AMPD1: variants seen among roughly 807,000 people sequenced by gnomAD.
AMPD1 encodes AMP deaminase 1.
AMPD1 carries 74 observed loss-of-function variants against 82.9 expected under a neutral mutation model. The observed-to-expected ratio is 0.89, with a 90% confidence interval of 0.74 to 1.08. The LOEUF (loss-of-function observed/expected upper bound fraction) is 1.08, where lower values mean the gene tolerates loss of function less well. AMPD1 is among the 50% of genes least tolerant of loss of function. The probability of loss-of-function intolerance (pLI) is 0.00; values close to 1 mark genes in which losing one functional copy is unlikely to be tolerated. For missense variants in AMPD1, 881 were observed against 924.5 expected, an observed-to-expected ratio of 0.95 and a Z score of 0.61; for synonymous variants, 333 against 320.5, an observed-to-expected ratio of 1.04 and a Z score of -0.42.
chr1:114,694,546 T>A (rs535208599), intron 1 of AMPD1, among the ~76,000 whole-genome samples: 45 of 152,248 alleles, frequency 3.0e-4, no homozygotes, highest in African/African-American at 1.1e-3. Flanking sequence ...TGCAGATTTT[T>A]AAAATTATTA....
chr1:114,693,375 T>G, intron 2 of AMPD1, 61 bp downstream of exon 2: 2 of 1,499,576 alleles, frequency 1.3e-6, no homozygotes, highest in Admixed American at 1.7e-5. Context: ...AATTAAGGAA[T>G]AGTATCATTT....
intron 5 of AMPD1, among the ~76,000 whole-genome samples, chr1:114,682,066 A>G (rs1208607540): frequency 3.3e-5 from 5 of 152,184 alleles, no homozygotes; most frequent in Non-Finnish European, 7.3e-5. Context: ...GAAGCCATGA[A>G]CACATTTCGC....
In AMPD1 at chr1:114,688,632, C is replaced by T. The variant is rs145786786; in HGVS notation, c.144G>A (p.Pro48=). The change falls in exon 3 of 16, where the codon CCG becomes CCA. Residue 48 remains proline, a synonymous_variant. Transcript: ENST00000520113. ...ISPFDVDEIC[P]ISHHEMQAHI... ...GTGCTTGCATCTCATGATGAGAAAT[C>T]GGACAGATCTCATCCACATCAAAGG... 2.3e-5 allele frequency: 37 copies of T among 1,614,080 alleles called. No homozygotes were observed. Among genetic ancestry groups the T allele is most frequent in the African/African-American group, 1.3e-4 (10 of 74,928 alleles).
intron 5 of AMPD1, among the ~76,000 whole-genome samples, chr1:114,682,707 T>C (rs1251065917): frequency 6.6e-6 from 1 of 151,762 alleles, no homozygotes; most frequent in African/African-American, 2.4e-5. Flanking sequence ...GCCTCCGGAG[T>C]AGCTGGGACT....
chr1:114,674,306 A>G (rs1049837600), intron 13 of AMPD1, among the ~76,000 whole-genome samples: 5 of 152,172 alleles, frequency 3.3e-5, no homozygotes, highest in African/African-American at 1.2e-4. Flanking sequence ...GTCAAACCAG[A>G]TTGTTTATTT....
At chr1:114,695,211 T>G (rs1239895531) in intron 1 of AMPD1, among the ~76,000 whole-genome samples, 3 of 152,146 alleles carry the variant, frequency 2.0e-5, no homozygotes, top group Non-Finnish European at 4.4e-5. Context: ...AGTTTTCTAC[T>G]GGGATCATCA....
rs772981078 is a variant in AMPD1, at chr1:114,678,351, ATCAACAG to A, written c.1067_1073del (p.Thr356IlefsTer25). On this transcript the variant is annotated frameshift_variant, in exon 8 of 16. Transcript: ENST00000520113. LOFTEE classifies it high-confidence loss of function. ...AACCTACAGCATGAACATCCAGAGAATCAACAGTCAGGTCATAAGGATGCATTTTTAA... is the reference window on the plus strand; with the variant it reads ...AACCTACAGCATGAACATCCAGAGAATCAGGTCATAAGGATGCATTTTTAA... 5 of 1,614,184 alleles carry A rather than the reference ATCAACAG, an allele frequency of 3.1e-6. No individual in the cohort carries two copies. In the Admixed American group the frequency reaches 5.0e-5, roughly 16 times the overall value.
At chr1:114,686,640 G>A (rs575098964) in intron 4 of AMPD1, 105 bp downstream of exon 4, 2 of 1,197,222 alleles carry the variant, frequency 1.7e-6, no homozygotes, top group African/African-American at 1.5e-5. Flanking sequence ...AAGGACAGGT[G>A]AGCTAATACC....
Position 114,686,746 on chromosome 1 carries a change from CCA to C in AMPD1, c.378_379del (p.Val128TyrfsTer3). 1 of 1,613,992 alleles carries C rather than the reference CCA, an allele frequency of 6.2e-7. No individual in the cohort carries two copies. The highest frequency in any genetic ancestry group is 8.5e-7 in the Non-Finnish European group (1 of 1,179,898). ...TCTGAGTGGCAAGGACCAACTCACC[CCA>C]GAGGCATAGTCACCAGTAATCTGCA... is the stretch of plus-strand genomic sequence containing the variant. On this transcript the variant is annotated frameshift_variant and splice_region_variant, in exon 4 of 16. Transcript: ENST00000520113. LOFTEE classifies it high-confidence loss of function.
chr1:114,691,512 A>T (rs1658515854), intron 2 of AMPD1, among the ~76,000 whole-genome samples: 1 of 152,134 alleles, frequency 6.6e-6, no homozygotes. Context: ...AGGCTGCAGT[A>T]AGCCACGTTT....
intron 2 of AMPD1, among the ~76,000 whole-genome samples, chr1:114,689,488 T>A (rs1201636860): frequency 3.3e-5 from 5 of 152,102 alleles, no homozygotes; most frequent in Admixed American, 6.6e-5. Flanking sequence ...CTTCTTAGTT[T>A]GGCAATGAAT....
Position 114,686,957 on chromosome 1 carries a change from C to T in AMPD1, c.216-47G>A, listed in dbSNP as rs755699921. On this transcript the variant is annotated intron_variant, in intron 3 of 15. Coordinates refer to ENST00000520113, the MANE Select transcript of AMPD1 (RefSeq NM_000036.3). ...AAGAGTTAATTTTGTCTTCATCAGG[C>T]GTTTCATTGTGATAGATAGATGTTT... 9.3e-5 allele frequency: 148 copies of T among 1,585,444 alleles called. 1 individual carries two copies. The highest frequency in any genetic ancestry group is 1.1e-4 in the Non-Finnish European group (132 of 1,154,454).
chr1:114,673,621 A>G lies in AMPD1; in HGVS notation c.2085+18T>C, dbSNP rs1657896244. 1.3e-6 allele frequency: 2 copies of G among 1,590,954 alleles called. No individual in the cohort carries two copies. The highest frequency in any genetic ancestry group is 1.7e-6 in the Non-Finnish European group (2 of 1,159,010). On this transcript the variant is annotated intron_variant, in intron 15 of 15. Transcript: ENST00000520113. Reference sequence around the variant, plus strand: ...AGACCCTATACTCAGAAGGGAAGCCATTTGAAGACAGGTCTACCTCATGAG... The same window carrying G: ...AGACCCTATACTCAGAAGGGAAGCCGTTTGAAGACAGGTCTACCTCATGAG...
At chr1:114,676,076 C>T (rs1010991960) in intron 10 of AMPD1, 73 bp from the exon 11 acceptor site, 8 of 1,531,756 alleles carry the variant, frequency 5.2e-6, no homozygotes, top group Non-Finnish European at 6.3e-6. Flanking sequence ...ATGAGGGAAC[C>T]AGAGAATCGA....
intron 3 of AMPD1, among the ~76,000 whole-genome samples, chr1:114,687,836 G>T (rs148481029): frequency 1.1e-4 from 16 of 152,128 alleles, no homozygotes; most frequent in Admixed American, 1.0e-3. Context: ...TGGAGGGCAG[G>T]ATTCATGTCA....
At chr1:114,682,302 T>C in intron 5 of AMPD1, among the ~76,000 whole-genome samples, 1 of 152,228 alleles carries the variant, frequency 6.6e-6, no homozygotes. Flanking sequence ...AGCGTGTTAC[T>C]ACAATATTTG....
chr1:114,695,008 T>G (rs1057142171), intron 1 of AMPD1, among the ~76,000 whole-genome samples: 6 of 152,308 alleles, frequency 3.9e-5, no homozygotes, highest in African/African-American at 1.4e-4. Context: ...ATTTTAAAAA[T>G]TACTCTGCGT....
rs868727904 is a variant in AMPD1 at position 114,688,730 on chromosome 1, C to T, written c.46G>A (p.Ala16Thr). 2.5e-6 allele frequency: 4 copies of T among 1,614,074 alleles called. No homozygotes were observed. The South Asian group carries it at 3.3e-5, about 13-fold the overall frequency. The stretch of plus-strand genomic sequence containing the variant: ...ACTTTTTCAGCAAAGTTGCGCATTG[C>T]ATCATCAATTTCTAAAAGAGGTTTT... ...LPAEEKQIDD[A>T]MRNFAEKVFA... The change falls in exon 3 of 16, where the codon GCA (alanine) becomes ACA (threonine). Residue 16 changes from alanine (A) to threonine (T), a missense_variant. By Grantham distance (58) the Ala-to-Thr change is moderately conservative (BLOSUM62 0). Around this residue, in one of 2 missense-constraint regions of AMPD1, gnomAD observed 783 missense variants for 786.4 expected, o/e 1.00. Coordinates refer to ENST00000520113, the MANE Select transcript of AMPD1 (RefSeq NM_000036.3).
chr1:114,674,960 A>C (rs1657939029), intron 12 of AMPD1, 88 bp from the exon 13 acceptor site: 1 of 1,532,686 alleles, frequency 6.5e-7, no homozygotes, highest in South Asian at 1.1e-5. Context: ...AACACTCTGG[A>C]AGGAAGTAAG....
Sources: gnomAD v4.1 joint callset for allele counts (sites outside exome capture counted in the v4.1 genomes callset) on GRCh38, gnomAD v4.1.1 for gene constraint, gnomAD v4.1.1 regional missense constraint, MANE v1.5 for transcripts, NCBI Gene and HGNC (gene_info 2026-07-23, HGNC 2026-07-21) for gene names.